EVA1A: variants seen among roughly 807,000 people sequenced by gnomAD.
The protein encoded by EVA1A is protein eva-1 homolog A.
A neutral mutation model predicts 9.8 loss-of-function variants in EVA1A; 7 were observed. The observed-to-expected ratio is 0.71, with a 90% confidence interval of 0.41 to 1.34. EVA1A has a LOEUF of 1.34. Ranked by LOEUF, EVA1A falls within the 40% of genes most tolerant of loss-of-function variation. EVA1A has a pLI of 0.01. For missense variants in EVA1A, 206 were observed against 205.9 expected (o/e 1.00, Z 0.00); for synonymous variants, 90 against 85.6 (o/e 1.05, Z -0.28).
intron 1 of EVA1A, among the ~76,000 whole-genome samples, chr2:75,559,164 G>A (rs1459688453): frequency 2.6e-5 from 4 of 152,150 alleles, no homozygotes; most frequent in South Asian, 2.1e-4. Context: ...TCTTGGAAGC[G>A]GAGTGGGGGA....
At chr2:75,521,595 C>A (rs1439255965) in intron 2 of EVA1A, among the ~76,000 whole-genome samples, 1 of 152,108 alleles carries the variant, frequency 6.6e-6, no homozygotes, top group Admixed American at 6.5e-5. Flanking sequence ...TATATGATTC[C>A]ACATGTATGA....
chr2:75,518,102 C>A lies in EVA1A; in HGVS notation c.39G>T (p.Glu13Asp). Reference sequence around the variant, plus strand: ...CTAGGATGTTGCTGAGCAAAGCCATCTCCACGTGCTCTGGGCTGTGGCTGA... The same window carrying A: ...CTAGGATGTTGCTGAGCAAAGCCATATCCACGTGCTCTGGGCTGTGGCTGA... ...LPLSHSPEHV[E>D]MALLSNILAA... The change falls in exon 3 of 4, where the codon GAG becomes GAT. Residue 13 changes from glutamate (E) to aspartate (D), a missense_variant. Coordinates refer to ENST00000393913, the MANE Select transcript of EVA1A (RefSeq NM_001135032.2). The A allele has an allele frequency of 1.2e-6, 2 of 1,614,132 alleles. No individual in the cohort carries two copies. Among genetic ancestry groups the A allele is most frequent in the South Asian group, 2.2e-5 (2 of 91,088 alleles).
chr2:75,549,000 ATATATATAT>A (rs1211540163), intron 1 of EVA1A, among the ~76,000 whole-genome samples: 3 of 93,662 alleles, frequency 3.2e-5, no homozygotes, highest in Non-Finnish European at 6.1e-5. Flanking sequence ...ATATATATAT[ATATATATAT>A]TTTTTTTTTT....
In EVA1A at chr2:75,551,121, A is replaced by AAAAAC. The variant is rs201685486; in HGVS notation, c.-192+9554_-192+9558dup. On this transcript the variant is annotated intron_variant, in intron 1 of 3. Transcript: ENST00000393913. ...TGGGCGACAGAGCAAGACTCTGCTC[A>AAAAAC]AAAACAAAACAAAACAAAACAAAAA... is the stretch of plus-strand genomic sequence containing the variant. 4.5e-4 allele frequency among the ~76,000 whole-genome samples: 68 copies of AAAAAC among 152,240 alleles called. 1 individual carries two copies. In the East Asian group the frequency reaches 0.01, roughly 23 times the overall value.
At position 75,519,557 on chromosome 2, in the gene EVA1A, G is replaced by A. The variant is rs188354355; in HGVS notation, c.-68-1349C>T. On this transcript the variant is annotated intron_variant, in intron 2 of 3. Transcript: ENST00000393913. The stretch of plus-strand genomic sequence containing the variant: ...GAGAGTGACAGGAGAAGGAGTGGGA[G>A]CTCCAGGGACTTTGAAAAGAGACTG... Among the ~76,000 whole-genome samples, 372 of 152,246 alleles carry A rather than the reference G, an allele frequency of 2.4e-3. 2 individuals are homozygous for A. The highest frequency in any genetic ancestry group is 8.8e-3 in the African/African-American group (367 of 41,540).
intron 3 of EVA1A, among the ~76,000 whole-genome samples, chr2:75,513,116 G>A (rs1193036174): frequency 6.6e-6 from 1 of 151,980 alleles, no homozygotes; most frequent in Non-Finnish European, 1.5e-5. Flanking sequence ...ACAGAAAAAA[G>A]GCTTTGAGAA....
chr2:75,529,236 C>T (rs547100951), intron 1 of EVA1A, among the ~76,000 whole-genome samples: 2 of 152,202 alleles, frequency 1.3e-5, no homozygotes, highest in Non-Finnish European at 2.9e-5. Context: ...CTGGAGATCC[C>T]AAATTTATAA....
chr2:75,519,187 A>C (rs1455303213), intron 2 of EVA1A, among the ~76,000 whole-genome samples: 1 of 152,200 alleles, frequency 6.6e-6, no homozygotes, highest in Admixed American at 6.5e-5. Context: ...AGTGGGAGAG[A>C]GGTGGCAGAG....
chr2:75,529,427 C>T (rs558159286), intron 1 of EVA1A, among the ~76,000 whole-genome samples: 1 of 152,164 alleles, frequency 6.6e-6, no homozygotes, highest in Admixed American at 6.5e-5. Context: ...ATATTCTGCC[C>T]AACAACAACA....
chr2:75,533,849 T>C (rs2103906573), intron 1 of EVA1A, among the ~76,000 whole-genome samples: 1 of 152,072 alleles, frequency 6.6e-6, no homozygotes, highest in Non-Finnish European at 1.5e-5. Context: ...TCTTGCTCTG[T>C]TGCCCAGGCT....
chr2:75,565,878 T>C (rs1303326784), upstream of EVA1A, among the ~76,000 whole-genome samples: 1 of 152,232 alleles, frequency 6.6e-6, no homozygotes, highest in Non-Finnish European at 1.5e-5. Flanking sequence ...CCTACAGTTA[T>C]TTCCTATCTA....
At chr2:75,494,330 A>G (rs1192291705) in intron 3 of EVA1A, among the ~76,000 whole-genome samples, 2 of 152,234 alleles carry the variant, frequency 1.3e-5, no homozygotes, top group African/African-American at 4.8e-5. Context: ...TGGGGTAAAC[A>G]CAGGGATGCT....
chr2:75,541,160 G>C (rs1349690457), intron 1 of EVA1A, among the ~76,000 whole-genome samples: 1 of 152,202 alleles, frequency 6.6e-6, no homozygotes, highest in African/African-American at 2.4e-5. Context: ...GCATACAATA[G>C]AGCTGAGCCA....
At chr2:75,536,925 C>T (rs1476494144) in intron 1 of EVA1A, among the ~76,000 whole-genome samples, 1 of 152,160 alleles carries the variant, frequency 6.6e-6, no homozygotes, top group African/African-American at 2.4e-5. Flanking sequence ...TCCAGAAAAT[C>T]AGAGAAGAGG....
At chr2:75,511,469 T>C (rs1006933302) in intron 3 of EVA1A, among the ~76,000 whole-genome samples, 1 of 152,196 alleles carries the variant, frequency 6.6e-6, no homozygotes, top group Non-Finnish European at 1.5e-5. Context: ...GAGAAAGGTC[T>C]CCACATGCTG....
chr2:75,538,325 A>G (rs1287271637), intron 1 of EVA1A, among the ~76,000 whole-genome samples: 3 of 152,182 alleles, frequency 2.0e-5, no homozygotes. Context: ...AAATAAAACT[A>G]GTGAGTTCAG....
intron 1 of EVA1A, among the ~76,000 whole-genome samples, chr2:75,536,365 C>A (rs371906066): frequency 1.1e-4 from 16 of 151,694 alleles, no homozygotes; most frequent in Middle Eastern, 3.4e-3. Context: ...CACCTCCCCC[C>A]CAAATAAAAC....
In EVA1A at chr2:75,518,103, T is replaced by C. The variant is rs755761988; in HGVS notation, c.38A>G (p.Glu13Gly). 4 of 1,613,970 alleles carry C rather than the reference T, an allele frequency of 2.5e-6. No homozygotes were observed. Among genetic ancestry groups the C allele is most frequent in the Non-Finnish European group, 3.4e-6 (4 of 1,180,004 alleles). The change falls in exon 3 of 4, where the codon GAG becomes GGG. Residue 13 changes from glutamate to glycine, a missense_variant. Physicochemically the swap from Glu to Gly is moderately conservative, Grantham distance 98. Coordinates refer to ENST00000393913, the MANE Select transcript of EVA1A (RefSeq NM_001135032.2). ...TAGGATGTTGCTGAGCAAAGCCATC[T>C]CCACGTGCTCTGGGCTGTGGCTGAG... ...LPLSHSPEHV[E>G]MALLSNILAA...
chr2:75,520,537 C>A (rs551682229), intron 2 of EVA1A, among the ~76,000 whole-genome samples: 1 of 151,994 alleles, frequency 6.6e-6, no homozygotes, highest in Non-Finnish European at 1.5e-5. Flanking sequence ...AAAAATAAAC[C>A]CTTACATATA....
Sources: gnomAD v4.1 joint callset for allele counts (sites outside exome capture counted in the v4.1 genomes callset) on GRCh38, gnomAD v4.1.1 for gene constraint, MANE v1.5 for transcripts, NCBI Gene and HGNC (gene_info 2026-07-23, HGNC 2026-07-21) for gene names.